The following CABLES1 variants were observed in gnomAD, a reference collection of about 807,000 sequenced individuals.
CABLES1 encodes Cdk5 and Abl enzyme substrate 1.
In CABLES1, 36 loss-of-function variants were observed where a neutral mutation model predicts 57.8. That is an observed-to-expected ratio of 0.62 (90% CI 0.48 to 0.82). CABLES1 has a LOEUF of 0.82. Ranked by LOEUF, CABLES1 falls within the 40% of genes least tolerant of loss-of-function variation. The probability of loss-of-function intolerance (pLI) is 0.00; values close to 1 mark genes in which losing one functional copy is unlikely to be tolerated. For synonymous variants in CABLES1, 374 were observed against 363.0 expected, an observed-to-expected ratio of 1.03 and a Z score of -0.35; for missense variants, 767 against 836.6, an observed-to-expected ratio of 0.92 and a Z score of 1.03.
rs573514153 is a variant in CABLES1 at position 23,156,102 on chromosome 18, C to T, written c.845+19495C>T. The T allele has an allele frequency of 1.8e-4, 164 of 898,916 alleles. 1 individual carries two copies. In the East Asian group the frequency reaches 3.8e-3, roughly 21 times the overall value. 55.7% of individuals were successfully genotyped at this position (898,916 alleles called of 1,614,324 possible). A position where few individuals can be genotyped will look rare whatever the true frequency, so the allele number is the denominator to read the frequency against. ...TGTCAGTCCTGATGTGGGCCAGCAGCGGGGGCTGGAGGGTGGTGTGAATGG... is the reference window on the plus strand; with the variant it reads ...TGTCAGTCCTGATGTGGGCCAGCAGTGGGGGCTGGAGGGTGGTGTGAATGG... On this transcript the variant is annotated intron_variant, in intron 1 of 9. Coordinates refer to ENST00000256925, the MANE Select transcript of CABLES1 (RefSeq NM_001100619.3).
At chr18:23,230,638 T>C (rs890612945) in intron 4 of CABLES1, among the ~76,000 whole-genome samples, 1 of 152,178 alleles carries the variant, frequency 6.6e-6, no homozygotes, top group South Asian at 2.1e-4. Flanking sequence ...AGTTTTGAAG[T>C]GTGACTAGCT....
chr18:23,182,610 A>G (rs905863244), intron 1 of CABLES1, among the ~76,000 whole-genome samples: 1 of 152,180 alleles, frequency 6.6e-6, no homozygotes, highest in African/African-American at 2.4e-5. Context: ...GGGGATTCTG[A>G]TGTGCAGACA....
intron 1 of CABLES1, among the ~76,000 whole-genome samples, chr18:23,183,284 T>G (rs1289443926): frequency 1.3e-5 from 2 of 152,220 alleles, no homozygotes; most frequent in African/African-American, 4.8e-5. Context: ...GACCTTTCCT[T>G]AAGCTTTCAG....
intron 1 of CABLES1, among the ~76,000 whole-genome samples, chr18:23,153,946 GC>G (rs1293428794): frequency 4.6e-5 from 7 of 151,900 alleles, no homozygotes; most frequent in African/African-American, 1.7e-4. Context: ...CACAAGAATT[GC>G]TTGTAACCAG....
intron 3 of CABLES1, chr18:23,204,608 CGCT>C (rs1223150897): frequency 6.6e-6 from 1 of 152,424 alleles, no homozygotes; most frequent in Non-Finnish European, 1.5e-5. Context: ...TCTCTTCTCA[CGCT>C]GCTGATTCGT....
rs140066433 is a variant in CABLES1, at chr18:23,229,206, G to A, written c.1089-5402G>A. 4.4e-3 allele frequency among the ~76,000 whole-genome samples: 671 copies of A among 152,170 alleles called. 3 individuals carry two copies. Among genetic ancestry groups the A allele is most frequent in the Middle Eastern group, 0.02 (6 of 294 alleles). ...GGAGGGCGGATCAACTGAGTTCAGG[G>A]GTTCAAGACCACCTGGCCAACGTGG... is the stretch of plus-strand genomic sequence containing the variant. On this transcript the variant is annotated intron_variant, in intron 4 of 9. Coordinates refer to ENST00000256925, the MANE Select transcript of CABLES1 (RefSeq NM_001100619.3).
intron 3 of CABLES1, among the ~76,000 whole-genome samples, chr18:23,213,715 G>C (rs1486506013): frequency 6.6e-6 from 1 of 152,240 alleles, no homozygotes; most frequent in Non-Finnish European, 1.5e-5. Flanking sequence ...GGTCTTGCAG[G>C]AGAAGGGGTG....
chr18:23,171,543 G>A (rs965391492), intron 1 of CABLES1, among the ~76,000 whole-genome samples: 4 of 152,160 alleles, frequency 2.6e-5, no homozygotes, highest in African/African-American at 9.7e-5. Context: ...AGTCTGTTTT[G>A]TAACACTTTT....
chr18:23,253,714 CCTGT>C lies in CABLES1; in HGVS notation c.1554-12_1554-9del, dbSNP rs1455814042. ...GTTTTCACAAGACTGTTCCCTCTTG[CCTGT>C]CTTTCTCCAGTCTGAAACGAGAGAT... On this transcript the variant is annotated splice_polypyrimidine_tract_variant and intron_variant, in intron 8 of 9. Coordinates refer to ENST00000256925, the MANE Select transcript of CABLES1 (RefSeq NM_001100619.3). 7.4e-6 allele frequency: 12 copies of C among 1,611,094 alleles called. No individual in the cohort carries two copies. Among genetic ancestry groups the C allele is most frequent in the East Asian group, 2.2e-5 (1 of 44,850 alleles).
chr18:23,196,545 T>G (rs1251751762), intron 3 of CABLES1, among the ~76,000 whole-genome samples: 1 of 152,168 alleles, frequency 6.6e-6, no homozygotes, highest in Non-Finnish European at 1.5e-5. Flanking sequence ...TGAGAGGACA[T>G]GACCCAGCCT....
Position 23,150,203 on chromosome 18 carries a change from G to GTT in CABLES1, c.845+13598_845+13599dup, listed in dbSNP as rs140194017. Among the ~76,000 whole-genome samples the GTT allele has an allele frequency of 1.7e-3, 111 of 64,160 alleles. 2 individuals carry two copies. Among genetic ancestry groups the GTT allele is most frequent in the Non-Finnish European group, 2.4e-3 (84 of 34,864 alleles). The allele number at this position is 64,160 out of a possible 152,430, so 42.1% of individuals were successfully genotyped here. ...CTATTTTAAGGTCATAGTAGTTGGT[G>GTT]TTTGTTTTTTTTTTTTTTTTTTTGA... On this transcript the variant is annotated intron_variant, in intron 1 of 9. Transcript: ENST00000256925.
At chr18:23,209,768 A>T (rs996695270) in intron 3 of CABLES1, among the ~76,000 whole-genome samples, 1 of 152,062 alleles carries the variant, frequency 6.6e-6, no homozygotes, top group Non-Finnish European at 1.5e-5. Flanking sequence ...GTTTTTTGGC[A>T]AAAGAGGAAA....
At chr18:23,243,239 G>A (rs1671919702) in intron 7 of CABLES1, among the ~76,000 whole-genome samples, 1 of 151,998 alleles carries the variant, frequency 6.6e-6, no homozygotes, top group African/African-American at 2.4e-5. Context: ...CAGTTCTGAG[G>A]AGGGGGCCTC....
At chr18:23,248,518 T>G (rs1260273620) in intron 7 of CABLES1, among the ~76,000 whole-genome samples, 1 of 128,330 alleles carries the variant, frequency 7.8e-6, no homozygotes, top group African/African-American at 3.0e-5. Flanking sequence ...ATGTCTTTTT[T>G]TTTTTTTTTT....
intron 1 of CABLES1, among the ~76,000 whole-genome samples, chr18:23,160,940 C>T (rs2046999479): frequency 6.6e-6 from 1 of 152,072 alleles, no homozygotes; most frequent in Admixed American, 6.6e-5. Context: ...GGCTAGGGTA[C>T]AAGAATCGCT....
At chr18:23,255,109 C>T (rs1378973180) in intron 9 of CABLES1, among the ~76,000 whole-genome samples, 2 of 151,994 alleles carry the variant, frequency 1.3e-5, no homozygotes, top group Admixed American at 6.6e-5. Flanking sequence ...GTGATAAGGG[C>T]AGGTGGATAG....
At chr18:23,200,215 G>A (rs1456850778) in intron 3 of CABLES1, among the ~76,000 whole-genome samples, 1 of 152,102 alleles carries the variant, frequency 6.6e-6, no homozygotes, top group Non-Finnish European at 1.5e-5. Flanking sequence ...CTGATACCAA[G>A]CAAAGATTGC....
intron 1 of CABLES1, among the ~76,000 whole-genome samples, chr18:23,143,667 G>A (rs1390220409): frequency 1.3e-5 from 2 of 152,220 alleles, no homozygotes; most frequent in African/African-American, 2.4e-5. Flanking sequence ...TCACAGAGTG[G>A]TTGTGCTTCC....
In CABLES1 at chr18:23,189,174, A is replaced by G. The variant is rs2047224019; in HGVS notation, c.917+265A>G. The stretch of plus-strand genomic sequence containing the variant: ...TTTCCGTGGCGCCTCTTCATTTTGT[A>G]AACTGCTGCTTAATGGAACAAGAGC... On this transcript the variant is annotated intron_variant, in intron 2 of 9. Transcript: ENST00000256925. 3 of 400,440 alleles carry G rather than the reference A, an allele frequency of 7.5e-6. No individual in the cohort carries two copies. The East Asian group carries it at 1.6e-4, about 22-fold the overall frequency. 24.8% of individuals were successfully genotyped at this position (400,440 alleles called of 1,614,324 possible).
Sources: gnomAD v4.1 joint callset for allele counts (sites outside exome capture counted in the v4.1 genomes callset) on GRCh38, gnomAD v4.1.1 for gene constraint, MANE v1.5 for transcripts, NCBI Gene and HGNC (gene_info 2026-07-23, HGNC 2026-07-21) for gene names.